Variants in AP4E1 observed in about 807,000 individuals in gnomAD.
The protein encoded by AP4E1 is adaptor related protein complex 4 subunit epsilon 1.
AP4E1 carries 56 observed loss-of-function variants against 128.2 expected under a neutral mutation model. The observed-to-expected ratio is 0.44, with a 90% confidence interval of 0.35 to 0.55. The LOEUF is 0.55. AP4E1 is among the 20% of genes least tolerant of loss of function. The pLI is 0.00. For synonymous variants in AP4E1, 484 were observed against 473.1 expected (o/e 1.02, Z -0.30); for missense variants, 1,324 against 1,307.7 (o/e 1.01, Z -0.19).
chr15:50,991,448 T>C (rs1259817711), intron 16 of AP4E1, among the ~76,000 whole-genome samples: 1 of 152,196 alleles, frequency 6.6e-6, no homozygotes, highest in East Asian at 1.9e-4. Flanking sequence ...AATTCTATTC[T>C]AGAAATGGTA....
At chr15:50,920,584 G>A (rs2063689175) in intron 3 of AP4E1, among the ~76,000 whole-genome samples, 1 of 151,512 alleles carries the variant, frequency 6.6e-6, no homozygotes, top group Non-Finnish European at 1.5e-5. Flanking sequence ...TTTTTTGGTA[G>A]GGACGGGGTT....
intron 15 of AP4E1, among the ~76,000 whole-genome samples, chr15:50,976,394 A>G (rs765810556): frequency 6.6e-6 from 1 of 152,196 alleles, no homozygotes; most frequent in Non-Finnish European, 1.5e-5. Flanking sequence ...TATAATAAAG[A>G]CCATATATGA....
intron 3 of AP4E1, 56 bp downstream of exon 3, chr15:50,915,627 A>G (rs758992806): frequency 1.5e-5 from 23 of 1,560,996 alleles, no homozygotes; most frequent in Admixed American, 6.7e-5. Flanking sequence ...AGTTGCATCT[A>G]TTATACAAAA....
chr15:50,908,727 C>T lies in AP4E1; in HGVS notation c.-52C>T, dbSNP rs2063526990. On this transcript the variant is annotated 5_prime_UTR_variant, in exon 1 of 21. Transcript: ENST00000261842. ...CCGGCAGCGGCGGCCGGGCATGAAG[C>T]CGGGCGGCTACGGGATCGCGGGCGG... is the stretch of plus-strand genomic sequence containing the variant. The T allele has an allele frequency of 3.4e-6, 5 of 1,461,548 alleles. No homozygotes were observed. The highest frequency in any genetic ancestry group is 3.6e-6 in the Non-Finnish European group (4 of 1,103,862). The allele number at this position is 1,461,548 out of a possible 1,614,324, so 90.5% of individuals were successfully genotyped here. A position where few individuals can be genotyped will look rare whatever the true frequency, so the allele number is the denominator to read the frequency against.
At chr15:50,997,007 T>G (rs2064883448) in intron 17 of AP4E1, among the ~76,000 whole-genome samples, 1 of 152,202 alleles carries the variant, frequency 6.6e-6, no homozygotes, top group South Asian at 2.1e-4. Flanking sequence ...CACTGCTTTT[T>G]AATTTGTTCA....
chr15:50,984,897 TG>T (rs1453820055), intron 16 of AP4E1, among the ~76,000 whole-genome samples: 1 of 152,134 alleles, frequency 6.6e-6, no homozygotes, highest in East Asian at 1.9e-4. Flanking sequence ...TCTTCCACAA[TG>T]GTTGAACTAG....
chr15:50,979,321 G>T (rs2064604927), intron 15 of AP4E1, among the ~76,000 whole-genome samples: 1 of 152,116 alleles, frequency 6.6e-6, no homozygotes, highest in South Asian at 2.1e-4. Context: ...AGCTGATCAG[G>T]CCATGAGGAA....
chr15:50,949,885 G>A lies in AP4E1; in HGVS notation c.1376G>A (p.Gly459Glu), dbSNP rs1172773775. 6.2e-7 allele frequency: 1 copy of A among 1,613,826 alleles called. No individual in the cohort carries two copies. Among genetic ancestry groups the A allele is most frequent in the Non-Finnish European group, 8.5e-7 (1 of 1,179,850 alleles). ...QTMNAVFSVG[G>E]DVMHPDIPNN... ...ATGAATGCTGTGTTTTCAGTAGGAG[G>A]AGATGTAATGCATCCTGATATTCCC... Residue 459 changes from glycine (G) to glutamate (E), a missense_variant, in exon 12 of 21, where the codon GGA (glycine) becomes GAA (glutamate). By Grantham distance (98) the Gly-to-Glu change is moderately conservative. Transcript: ENST00000261842.
At chr15:50,978,868 G>A (rs886621144) in intron 15 of AP4E1, among the ~76,000 whole-genome samples, 1 of 152,104 alleles carries the variant, frequency 6.6e-6, no homozygotes, top group Non-Finnish European at 1.5e-5. Context: ...ATCACTATAT[G>A]GGTCTTGGGG....
chr15:50,948,763 G>A (rs919804947), intron 11 of AP4E1, among the ~76,000 whole-genome samples: 4 of 151,766 alleles, frequency 2.6e-5, no homozygotes, highest in East Asian at 1.9e-4. Flanking sequence ...ACCTGAGGTC[G>A]GGAGTTTGAG....
intron 13 of AP4E1, 24 bp downstream of exon 13, chr15:50,950,193 A>AGG: frequency 6.9e-7 from 1 of 1,443,420 alleles, no homozygotes; most frequent in Non-Finnish European, 9.7e-7. Flanking sequence ...CTTAAATCAT[A>AGG]AATTTTTATA....
At chr15:50,939,215 GT>G (rs2063950416) in intron 8 of AP4E1, among the ~76,000 whole-genome samples, 1 of 152,156 alleles carries the variant, frequency 6.6e-6, no homozygotes, top group African/African-American at 2.4e-5. Flanking sequence ...GCTCATGCCT[GT>G]AATCCCAGCA....
chr15:50,976,139 G>A (rs2064547462), intron 15 of AP4E1, among the ~76,000 whole-genome samples: 1 of 152,022 alleles, frequency 6.6e-6, no homozygotes, highest in South Asian at 2.1e-4. Context: ...GATGAATATA[G>A]GCAAAATACT....
At chr15:50,988,435 C>T (rs1000951856) in intron 16 of AP4E1, among the ~76,000 whole-genome samples, 2 of 152,158 alleles carry the variant, frequency 1.3e-5, no homozygotes, top group Admixed American at 6.5e-5. Context: ...CTGCCTCAGC[C>T]TTCCGAGTAG....
chr15:50,952,169 A>G (rs2064158914), intron 13 of AP4E1, among the ~76,000 whole-genome samples: 1 of 152,220 alleles, frequency 6.6e-6, no homozygotes, highest in South Asian at 2.1e-4. Flanking sequence ...AAACCTCAAC[A>G]TGAATCTTCT....
intron 2 of AP4E1, among the ~76,000 whole-genome samples, chr15:50,912,361 A>G (rs2063575994): frequency 6.6e-6 from 1 of 152,136 alleles, no homozygotes; most frequent in South Asian, 2.1e-4. Context: ...AGTCAGGGCT[A>G]ATGTGATGAT....
intron 16 of AP4E1, among the ~76,000 whole-genome samples, chr15:50,990,945 A>G (rs2064797975): frequency 6.6e-6 from 1 of 152,138 alleles, no homozygotes; most frequent in South Asian, 2.1e-4. Context: ...AAGGAAGGAA[A>G]AAGAAGCAGG....
intron 18 of AP4E1, 129 bp downstream of exon 18, chr15:50,998,012 G>A (rs981831010): frequency 7.1e-6 from 5 of 704,528 alleles, no homozygotes; most frequent in South Asian, 2.0e-5. Context: ...ATTTAGCAAA[G>A]TAGAAGATTA....
intron 16 of AP4E1, 53 bp downstream of exon 16, chr15:50,984,198 T>C: frequency 6.2e-7 from 1 of 1,600,722 alleles, no homozygotes; most frequent in Non-Finnish European, 8.5e-7. Flanking sequence ...AAATGTCTTT[T>C]AGCGTTCCAT....
Sources: allele counts gnomAD v4.1 joint callset (sites outside exome capture counted in the v4.1 genomes callset), GRCh38; gene constraint gnomAD v4.1.1; transcripts MANE v1.5; gene names NCBI Gene and HGNC (gene_info 2026-07-23, HGNC 2026-07-21).